Variants in USP5 observed in about 807,000 individuals in gnomAD.
The protein encoded by USP5 is ubiquitin carboxyl-terminal hydrolase 5.
USP5 carries 24 observed loss-of-function variants against 102.5 expected under a neutral mutation model. The observed-to-expected ratio is 0.23, with a 90% CI of 0.17 to 0.33. USP5 has a LOEUF of 0.33. Ranked by LOEUF, USP5 falls within the 10% of genes least tolerant of loss-of-function variation. The probability of loss-of-function intolerance (pLI) is 1.00; values close to 1 mark genes in which losing one functional copy is unlikely to be tolerated. For missense variants in USP5, 753 were observed against 1,122.1 expected, an observed-to-expected ratio of 0.67 and a Z score of 4.70; for synonymous variants, 460 against 434.8, an observed-to-expected ratio of 1.06 and a Z score of -0.72.
At position 6,863,338 on chromosome 12, in the gene USP5, G is replaced by A. The variant is rs1226764160; in HGVS notation, c.1915G>A (p.Glu639Lys). 5 of 1,614,036 alleles carry A rather than the reference G, an allele frequency of 3.1e-6. No homozygotes were observed. Among genetic ancestry groups the A allele is most frequent in the East Asian group, 2.2e-5 (1 of 44,894 alleles). Residue 639 changes from glutamate (E) to lysine (K), a missense_variant, in exon 15 of 20, where the codon GAA becomes AAA. Physicochemically the swap from Glu to Lys is moderately conservative, Grantham distance 56. Transcript: ENST00000229268. This position sits in a 1 kb window ranked among gnomAD's most constrained non-coding sequence, Gnocchi z 4.7. Reference protein sequence around the residue: ...GSLGFYGNEDEDSFCSPHFSS... With the variant: ...GSLGFYGNEDKDSFCSPHFSS... Reference sequence around the variant, plus strand: ...CCTTGGTTTCTATGGCAACGAAGACGAAGACTCCTTCTGCTCCCCTCACTT... The same window carrying A: ...CCTTGGTTTCTATGGCAACGAAGACAAAGACTCCTTCTGCTCCCCTCACTT...
chr12:6,859,821 T>A (rs1251497376), intron 9 of USP5, among the ~76,000 whole-genome samples: 1 of 151,916 alleles, frequency 6.6e-6, no homozygotes, highest in Non-Finnish European at 1.5e-5. Context: ...CCCAGCTAAA[T>A]TTTTTTTGTA....
Position 6,856,746 on chromosome 12 carries a change from G to A in USP5, c.624G>A (p.Leu208=), listed in dbSNP as rs1944125419. ...CCAAGTGTGACATGAGAGAGAACCT[G>A]TGGCTCAACCTGACTGATGGCTCCA... The part of the protein sequence containing the change: ...KCSKCDMREN[L]WLNLTDGSIL... The change falls in exon 6 of 20, where the codon CTG becomes CTA. Residue 208 remains leucine (L), a synonymous_variant. Coordinates refer to ENST00000229268, the MANE Select transcript of USP5 (RefSeq NM_001098536.2). This position sits in a 1 kb window ranked among gnomAD's most constrained non-coding sequence, Gnocchi z 5.6. 8.1e-6 allele frequency: 13 copies of A among 1,614,120 alleles called. No individual in the cohort carries two copies. Among genetic ancestry groups the A allele is most frequent in the South Asian group, 1.1e-5 (1 of 91,082 alleles).
Position 6,866,217 on chromosome 12 carries a change from C to T in USP5, c.*140C>T, listed in dbSNP as rs1363643552. ...CGGCAGCAGGGAAGAAGCTGGAGGCCGTGGGAGAATGGCTGGGCAGAGCAG... is the reference window on the plus strand; with the variant it reads ...CGGCAGCAGGGAAGAAGCTGGAGGCTGTGGGAGAATGGCTGGGCAGAGCAG... On this transcript the variant is annotated 3_prime_UTR_variant, in exon 20 of 20. Transcript: ENST00000229268. The surrounding 1 kb of genome is among the most constrained non-coding windows in gnomAD (Gnocchi z 4.7). The T allele has an allele frequency of 1.3e-6, 1 of 760,872 alleles. No individual in the cohort carries two copies. 47.1% of individuals were successfully genotyped at this position (760,872 alleles called of 1,614,324 possible).
rs1555130180 is a variant in USP5 at position 6,864,061 on chromosome 12, C to G, written c.2110C>G (p.Pro704Ala). Residue 704 changes from proline to alanine, a missense_variant, in exon 17 of 20, where the codon CCC (proline) becomes GCC (alanine). Coordinates refer to ENST00000229268, the MANE Select transcript of USP5 (RefSeq NM_001098536.2). This position sits in a 1 kb window ranked among gnomAD's most constrained non-coding sequence, Gnocchi z 4.8. ...CTTCACATCCACAGATTTTGCAAAC[C>G]CCCTCATCCTGCCTGGCTCTAGTGG... is the stretch of plus-strand genomic sequence containing the variant. ...SHMDDPDFAN[P>A]LILPGSSGPG... 6.2e-7 allele frequency: 1 copy of G among 1,606,810 alleles called. No individual in the cohort carries two copies. The highest frequency in any genetic ancestry group is 1.3e-5 in the African/African-American group (1 of 74,708).
intron 1 of USP5, 47 bp downstream of exon 1, chr12:6,852,337 G>C (rs782820924): frequency 1.3e-6 from 2 of 1,555,258 alleles, no homozygotes; most frequent in Admixed American, 3.8e-5. Flanking sequence ...TCCTTCCATC[G>C]CCCTGGTCAT....
In USP5 at chr12:6,863,467, C is replaced by T; in HGVS notation, c.1954+90C>T. On this transcript the variant is annotated intron_variant, in intron 15 of 19. Transcript: ENST00000229268. The surrounding 1 kb of genome is among the most constrained non-coding windows in gnomAD (Gnocchi z 4.7). ...CCCTGCCCCTGTCCTTTGTGTTTCT[C>T]CTGTCCTCCCTTTCAAATTTCCTCT... The T allele has an allele frequency of 7.0e-7, 1 of 1,432,880 alleles. No individual in the cohort carries two copies. The highest frequency in any genetic ancestry group is 1.3e-5 in the South Asian group (1 of 75,680). 88.8% of individuals were successfully genotyped at this position (1,432,880 alleles called of 1,614,324 possible).
intron 6 of USP5, 111 bp from the exon 7 acceptor site, chr12:6,857,518 C>A (rs571489686): frequency 3.5e-6 from 3 of 866,828 alleles, no homozygotes; most frequent in Non-Finnish European, 5.6e-6. Flanking sequence ...GAGGGTGGAC[C>A]TTACTGGCTC....
At chr12:6,859,051 G>C (rs1944198449) in intron 8 of USP5, among the ~76,000 whole-genome samples, 1 of 152,110 alleles carries the variant, frequency 6.6e-6, no homozygotes, top group African/African-American at 2.4e-5. Flanking sequence ...AGTGACATCA[G>C]ATGAGCACCT....
In USP5 at chr12:6,861,367, A is replaced by G; in HGVS notation, c.1499-76A>G. 2 of 1,473,938 alleles carry G rather than the reference A, an allele frequency of 1.4e-6. No individual in the cohort carries two copies. Among genetic ancestry groups the G allele is most frequent in the Non-Finnish European group, 1.8e-6 (2 of 1,095,546 alleles). The allele number at this position is 1,473,938 out of a possible 1,614,324, so 91.3% of individuals were successfully genotyped here. A position where few individuals can be genotyped will look rare whatever the true frequency, so the allele number is the denominator to read the frequency against. ...GGTAGAGGAACTGAAATACGGACAC[A>G]GAGCCAGTAGGGAGAGGCTAAGGAG... On this transcript the variant is annotated intron_variant, in intron 12 of 19. Coordinates refer to ENST00000229268, the MANE Select transcript of USP5 (RefSeq NM_001098536.2). The surrounding 1 kb of genome is among the most constrained non-coding windows in gnomAD (Gnocchi z 4.9).
rs1944257376 is a variant in USP5 at position 6,860,841 on chromosome 12, C to T, written c.1345-112C>T. 6.8e-7 allele frequency: 1 copy of T among 1,467,806 alleles called. No individual in the cohort carries two copies. Among genetic ancestry groups the T allele is most frequent in the Non-Finnish European group, 9.3e-7 (1 of 1,075,524 alleles). 90.9% of individuals were successfully genotyped at this position (1,467,806 alleles called of 1,614,324 possible). A position where few individuals can be genotyped will look rare whatever the true frequency, so the allele number is the denominator to read the frequency against. Reference sequence around the variant, plus strand: ...AAGGTTTCTGCTCTGCTCTTGTGTCCCTGAGTTCCGAGTGGTAGTCTGCCT... The same window carrying T: ...AAGGTTTCTGCTCTGCTCTTGTGTCTCTGAGTTCCGAGTGGTAGTCTGCCT... On this transcript the variant is annotated intron_variant, in intron 11 of 19. Coordinates refer to ENST00000229268, the MANE Select transcript of USP5 (RefSeq NM_001098536.2). The surrounding 1 kb of genome is among the most constrained non-coding windows in gnomAD (Gnocchi z 5.5).
At position 6,863,459 on chromosome 12, in the gene USP5, G is replaced by A; in HGVS notation, c.1954+82G>A. On this transcript the variant is annotated intron_variant, in intron 15 of 19. Coordinates refer to ENST00000229268, the MANE Select transcript of USP5 (RefSeq NM_001098536.2). This position sits in a 1 kb window ranked among gnomAD's most constrained non-coding sequence, Gnocchi z 4.7. ...CTTGCATCCCCTGCCCCTGTCCTTT[G>A]TGTTTCTCCTGTCCTCCCTTTCAAA... 1.4e-6 allele frequency: 2 copies of A among 1,470,532 alleles called. No homozygotes were observed. Among genetic ancestry groups the A allele is most frequent in the Non-Finnish European group, 1.9e-6 (2 of 1,078,886 alleles). The allele number at this position is 1,470,532 out of a possible 1,614,324, so 91.1% of individuals were successfully genotyped here. A position where few individuals can be genotyped will look rare whatever the true frequency, so the allele number is the denominator to read the frequency against.
Position 6,864,466 on chromosome 12 carries a change from G to A in USP5, c.2245-256G>A, listed in dbSNP as rs1238916312. Among the ~76,000 whole-genome samples the A allele has an allele frequency of 2.6e-5, 4 of 152,158 alleles. No individual in the cohort carries two copies. Among genetic ancestry groups the A allele is most frequent in the African/African-American group, 9.7e-5 (4 of 41,432 alleles). ...GCACTTTGGGAGGGTGAGGTGGGCG[G>A]ATCACGCGGTCAGCAGATCAAGACC... On this transcript the variant is annotated intron_variant, in intron 17 of 19. Coordinates refer to ENST00000229268, the MANE Select transcript of USP5 (RefSeq NM_001098536.2). This position sits in a 1 kb window ranked among gnomAD's most constrained non-coding sequence, Gnocchi z 4.8.
Position 6,861,470 on chromosome 12 carries a change from A to G in USP5, c.1526A>G (p.Lys509Arg), listed in dbSNP as rs782232671. 3.2e-6 allele frequency: 5 copies of G among 1,585,510 alleles called. No homozygotes were observed. Among genetic ancestry groups the G allele is most frequent in the Non-Finnish European group, 4.3e-6 (5 of 1,159,658 alleles). Residue 509 changes from lysine to arginine, a missense_variant, in exon 13 of 20, where the codon AAG becomes AGG. Lys to Arg is a conservative substitution (Grantham distance 26). Coordinates refer to ENST00000229268, the MANE Select transcript of USP5 (RefSeq NM_001098536.2). This position sits in a 1 kb window ranked among gnomAD's most constrained non-coding sequence, Gnocchi z 4.9. ...GAGCTTCTGGAGTACGAGGAGAAGAAGCGGCAAGCCGAAGAGGAGAAGATG... is the reference window on the plus strand; with the variant it reads ...GAGCTTCTGGAGTACGAGGAGAAGAGGCGGCAAGCCGAAGAGGAGAAGATG... ...KEELLEYEEK[K>R]RQAEEEKMAL...
rs1944078902 is a variant in USP5, at chr12:6,855,439, T to C, written c.150T>C (p.Phe50=). The C allele has an allele frequency of 6.2e-7, 1 of 1,614,060 alleles. No individual in the cohort carries two copies. The highest frequency in any genetic ancestry group is 1.7e-5 in the Admixed American group (1 of 60,012). Residue 50 remains phenylalanine (F), a synonymous_variant, in exon 2 of 20, where the codon TTT becomes TTC. Transcript: ENST00000229268. This position sits in a 1 kb window ranked among gnomAD's most constrained non-coding sequence, Gnocchi z 4.6. The part of the protein sequence containing the change: ...EGGLYICMNT[F]LGFGKQYVER... Reference sequence around the variant, plus strand: ...GCCTCTACATCTGTATGAACACGTTTCTGGGCTTTGGGAAACAGTATGTGG... The same window carrying C: ...GCCTCTACATCTGTATGAACACGTTCCTGGGCTTTGGGAAACAGTATGTGG...
chr12:6,856,125 G>A lies in USP5; in HGVS notation c.413G>A (p.Gly138Glu), dbSNP rs782203923. ...YLEIARDGLG[G>E]LPDIVRDRVT... ...GAGATTGCCCGGGATGGACTGGGGG[G>A]ACTGCCTGACATTGTCAGAGATCGG... The change falls in exon 4 of 20, where the codon GGA (glycine) becomes GAA (glutamate). Residue 138 changes from glycine (G) to glutamate (E), a missense_variant. This residue lies in a region of USP5 where 527 missense variants were observed against 816.5 expected (regional missense o/e 0.65). Transcript: ENST00000229268. This position sits in a 1 kb window ranked among gnomAD's most constrained non-coding sequence, Gnocchi z 5.6. 1 of 1,614,180 alleles carries A rather than the reference G, an allele frequency of 6.2e-7. No homozygotes were observed. Among genetic ancestry groups the A allele is most frequent in the Non-Finnish European group, 8.5e-7 (1 of 1,180,044 alleles).
chr12:6,854,526 G>A (rs1944050840), intron 1 of USP5, among the ~76,000 whole-genome samples: 1 of 151,874 alleles, frequency 6.6e-6, no homozygotes. Flanking sequence ...AGGCCAAGGT[G>A]GAAGGATTGT....
Position 6,866,028 on chromosome 12 carries a change from C to T in USP5, c.2528C>T (p.Pro843Leu), listed in dbSNP as rs782592225. ...CAGAAAGTGTGTGCCTCCGAGAAGC[C>T]GCCCAAGGACCTGGGCTACATCTAC... ...NDQKVCASEK[P>L]PKDLGYIYFY... Residue 843 changes from proline to leucine, a missense_variant, in exon 20 of 20, where the codon CCG becomes CTG. Pro to Leu is a moderately conservative substitution (Grantham distance 98). Around this residue, in one of 3 missense-constraint regions of USP5, gnomAD observed 33 missense variants for 75.3 expected, o/e 0.44. Coordinates refer to ENST00000229268, the MANE Select transcript of USP5 (RefSeq NM_001098536.2). This position sits in a 1 kb window ranked among gnomAD's most constrained non-coding sequence, Gnocchi z 4.7. The T allele has an allele frequency of 1.3e-5, 21 of 1,614,106 alleles. No homozygotes were observed. The highest frequency in any genetic ancestry group is 1.1e-4 in the South Asian group (10 of 91,076).
In USP5 at chr12:6,861,706, C is replaced by T. The variant is rs1944283503; in HGVS notation, c.1673+89C>T. ...CTGTCTCTTCCCTGTTCTTTCATCC[C>T]TTTGTGGTTGGAACCTCAGGGTTGA... On this transcript the variant is annotated intron_variant, in intron 13 of 19. Coordinates refer to ENST00000229268, the MANE Select transcript of USP5 (RefSeq NM_001098536.2). The surrounding 1 kb of genome is among the most constrained non-coding windows in gnomAD (Gnocchi z 4.9). 1 of 1,334,570 alleles carries T rather than the reference C, an allele frequency of 7.5e-7. No homozygotes were observed. The highest frequency in any genetic ancestry group is 2.7e-5 in the East Asian group (1 of 36,746). The allele number at this position is 1,334,570 out of a possible 1,614,324, so 82.7% of individuals were successfully genotyped here. A position where few individuals can be genotyped will look rare whatever the true frequency, so the allele number is the denominator to read the frequency against.
In USP5 at chr12:6,865,160, C is replaced by G. The variant is rs782110827; in HGVS notation, c.2399-4C>G. ...CTTCTCTGACCCCCTCTCTCCTTTC[C>G]TAGAGTATCAGCTCTTTGCCTTCAT... On this transcript the variant is annotated splice_region_variant and splice_polypyrimidine_tract_variant and intron_variant, in intron 18 of 19. Coordinates refer to ENST00000229268, the MANE Select transcript of USP5 (RefSeq NM_001098536.2). The G allele has an allele frequency of 1.2e-5, 20 of 1,611,834 alleles. No homozygotes were observed. Among genetic ancestry groups the G allele is most frequent in the Non-Finnish European group, 1.7e-5 (20 of 1,178,114 alleles).
Sources: allele counts gnomAD v4.1 joint callset (sites outside exome capture counted in the v4.1 genomes callset), GRCh38; gene constraint gnomAD v4.1.1; regional missense constraint gnomAD v4.1.1; non-coding constraint Gnocchi (gnomAD v3.1); transcripts MANE v1.5; gene names NCBI Gene and HGNC (gene_info 2026-07-23, HGNC 2026-07-21).